The following PAPPA variants were observed in gnomAD, a reference collection of about 807,000 sequenced individuals.
PAPPA encodes pappalysin 1, also known as pappalysin-1.
In PAPPA, 60 loss-of-function variants were observed where a neutral mutation model predicts 164.0. That is an observed-to-expected ratio of 0.37 (90% CI 0.30 to 0.45). The LOEUF (loss-of-function observed/expected upper bound fraction) is 0.45, where lower values mean the gene tolerates loss of function less well. Ranked by LOEUF, PAPPA falls within the 20% of genes least tolerant of loss-of-function variation. The probability of loss-of-function intolerance (pLI) is 1.00; values close to 1 mark genes in which losing one functional copy is unlikely to be tolerated. For synonymous variants in PAPPA, 875 were observed against 814.1 expected (o/e 1.07, Z -1.27); for missense variants, 1,782 against 2,087.3 (o/e 0.85, Z 2.85).
intron 2 of PAPPA, among the ~76,000 whole-genome samples, chr9:116,201,728 G>A (rs1844173531): frequency 6.6e-6 from 1 of 152,184 alleles, no homozygotes; most frequent in African/African-American, 2.4e-5. Context: ...AGGGTCAGTT[G>A]TCCAAGATCA....
chr9:116,284,239 C>T (rs1362785610), intron 9 of PAPPA, among the ~76,000 whole-genome samples: 1 of 152,148 alleles, frequency 6.6e-6, no homozygotes, highest in Non-Finnish European at 1.5e-5. Flanking sequence ...AGAGATTGAG[C>T]AGAAATTTGA....
rs142666249 is a variant in PAPPA at position 116,313,583 on chromosome 9, G to A, written c.3147+10633G>A. Among the ~76,000 whole-genome samples the A allele has an allele frequency of 2.9e-3, 449 of 152,304 alleles. 4 individuals are homozygous for A. The highest frequency in any genetic ancestry group is 0.01 in the African/African-American group (433 of 41,570). On this transcript the variant is annotated intron_variant, in intron 10 of 21. Coordinates refer to ENST00000328252, the MANE Select transcript of PAPPA (RefSeq NM_002581.5). ...AAACTGACATGCACCAGGGAGCTAC[G>A]GTCAGGGGTTTATGTTTCAGAGAGA...
In PAPPA at chr9:116,154,678, G is replaced by T. The variant is rs1056158251; in HGVS notation, c.415+91G>T. ...GGCGCGGGTGGCGGGCGGGTCGGGG[G>T]CTTGCGGGCGTGTCTGTGCGAGAGC... On this transcript the variant is annotated intron_variant, in intron 1 of 21. Coordinates refer to ENST00000328252, the MANE Select transcript of PAPPA (RefSeq NM_002581.5). This position sits in a 1 kb window ranked among gnomAD's most constrained non-coding sequence, Gnocchi z 5.2. 6 of 1,236,968 alleles carry T rather than the reference G, an allele frequency of 4.9e-6. No individual in the cohort carries two copies. The highest frequency in any genetic ancestry group is 3.2e-5 in the East Asian group (1 of 31,302). The allele number at this position is 1,236,968 out of a possible 1,614,324, so 76.6% of individuals were successfully genotyped here. A position where few individuals can be genotyped will look rare whatever the true frequency, so the allele number is the denominator to read the frequency against.
chr9:116,198,297 G>C (rs1341877659), intron 2 of PAPPA, among the ~76,000 whole-genome samples: 1 of 152,210 alleles, frequency 6.6e-6, no homozygotes, highest in Non-Finnish European at 1.5e-5. Flanking sequence ...TACTTAGCAA[G>C]AGATTCCTCA....
chr9:116,374,232 G>A (rs1267239316), intron 19 of PAPPA, among the ~76,000 whole-genome samples: 1 of 150,288 alleles, frequency 6.7e-6, no homozygotes, highest in Admixed American at 6.7e-5. Context: ...TGATGACAGT[G>A]ATGATGATGG....
At chr9:116,333,145 C>T (rs1174868706) in intron 12 of PAPPA, among the ~76,000 whole-genome samples, 2 of 152,066 alleles carry the variant, frequency 1.3e-5, no homozygotes, top group African/African-American at 4.8e-5. Flanking sequence ...GAGGAGAGAG[C>T]CTGAATCCAG....
intron 7 of PAPPA, among the ~76,000 whole-genome samples, chr9:116,249,094 G>A (rs574107454): frequency 3.9e-5 from 6 of 152,222 alleles, no homozygotes; most frequent in Admixed American, 1.3e-4. Flanking sequence ...ATAGTAGGCA[G>A]TGAAGATAAA....
At chr9:116,268,695 C>CTT (rs1554745955) in intron 8 of PAPPA, among the ~76,000 whole-genome samples, 2 of 151,184 alleles carry the variant, frequency 1.3e-5, no homozygotes, top group African/African-American at 2.4e-5. Flanking sequence ...AAATAGTATA[C>CTT]TTAATACAGT....
At chr9:116,324,904 T>A (rs1407247348) in intron 10 of PAPPA, among the ~76,000 whole-genome samples, 1 of 152,196 alleles carries the variant, frequency 6.6e-6, no homozygotes, top group African/African-American at 2.4e-5. Context: ...AACCAGCTCC[T>A]GAAAACCTTT....
chr9:116,290,210 C>T (rs1442476109), intron 9 of PAPPA, among the ~76,000 whole-genome samples: 1 of 151,942 alleles, frequency 6.6e-6, no homozygotes, highest in Non-Finnish European at 1.5e-5. Flanking sequence ...TTACTGGTAC[C>T]ATGAAAGTAA....
At chr9:116,369,839 C>T (rs985642978) in intron 19 of PAPPA, among the ~76,000 whole-genome samples, 1 of 151,568 alleles carries the variant, frequency 6.6e-6, no homozygotes, top group African/African-American at 2.4e-5. Flanking sequence ...GCTGGCCTAC[C>T]GAGAGAACCA....
At chr9:116,358,261 G>A (rs916190990) in intron 17 of PAPPA, among the ~76,000 whole-genome samples, 14 of 152,132 alleles carry the variant, frequency 9.2e-5, no homozygotes, top group South Asian at 2.1e-4. Flanking sequence ...CTTAAACTAC[G>A]TCACTTTGCA....
At chr9:116,227,319 GA>G in intron 5 of PAPPA, 111 bp from the exon 6 acceptor site, 1 of 1,125,262 alleles carries the variant, frequency 8.9e-7, no homozygotes, top group Middle Eastern at 2.1e-4. Flanking sequence ...AGGAAAGGGG[GA>G]AACACAGATT....
chr9:116,188,119 T>G lies in PAPPA; in HGVS notation c.1381T>G (p.Cys461Gly). 1.2e-6 allele frequency: 2 copies of G among 1,614,232 alleles called. No individual in the cohort carries two copies. Among genetic ancestry groups the G allele is most frequent in the Admixed American group, 3.3e-5 (2 of 60,030 alleles). ...GCACAACGGGGTGTGTGACATGGAC[T>G]GCAACTATGAACGGTTCAACTTTGA... ...KQHNGVCDMD[C>G]NYERFNFDGG... is the part of the protein sequence containing the mutation. Residue 461 changes from cysteine (C) to glycine (G), a missense_variant, in exon 2 of 22, where the codon TGC (cysteine) becomes GGC (glycine). Around this residue, in one of 2 missense-constraint regions of PAPPA, gnomAD observed 1,324 missense variants for 1,656.9 expected, o/e 0.80. Transcript: ENST00000328252.
At chr9:116,357,288 T>C (rs1325793992) in intron 17 of PAPPA, among the ~76,000 whole-genome samples, 2 of 152,260 alleles carry the variant, frequency 1.3e-5, no homozygotes, top group Non-Finnish European at 2.9e-5. Flanking sequence ...CAAATAGCCA[T>C]ACTTATACAG....
In PAPPA at chr9:116,218,111, G is replaced by A. The variant is rs116016460; in HGVS notation, c.1919-1826G>A. ...ATCTGGGTTTGAGAGAGATTTACTC[G>A]GTTATTCACTATACTGTGTTTGTTA... On this transcript the variant is annotated intron_variant, in intron 4 of 21. Coordinates refer to ENST00000328252, the MANE Select transcript of PAPPA (RefSeq NM_002581.5). 7.6e-3 allele frequency among the ~76,000 whole-genome samples: 1,153 copies of A among 152,190 alleles called. 19 individuals carry two copies. Among genetic ancestry groups the A allele is most frequent in the African/African-American group, 0.026 (1,099 of 41,508 alleles).
intron 7 of PAPPA, among the ~76,000 whole-genome samples, chr9:116,255,505 A>C (rs1844917188): frequency 6.6e-6 from 1 of 152,034 alleles, no homozygotes; most frequent in African/African-American, 2.4e-5. Flanking sequence ...TTGAGATTAG[A>C]AAAACAGAAA....
chr9:116,154,669 G>T lies in PAPPA; in HGVS notation c.415+82G>T, dbSNP rs1248686789. ...GGGTGTCTGGGCGCGGGTGGCGGGC[G>T]GGTCGGGGGCTTGCGGGCGTGTCTG... is the stretch of plus-strand genomic sequence containing the variant. On this transcript the variant is annotated intron_variant, in intron 1 of 21. Transcript: ENST00000328252. This position sits in a 1 kb window ranked among gnomAD's most constrained non-coding sequence, Gnocchi z 5.2. 8.0e-6 allele frequency: 10 copies of T among 1,246,436 alleles called. No homozygotes were observed. The highest frequency in any genetic ancestry group is 1.0e-5 in the Non-Finnish European group (10 of 994,240). 77.2% of individuals were successfully genotyped at this position (1,246,436 alleles called of 1,614,324 possible).
chr9:116,275,794 C>T (rs527276383), intron 9 of PAPPA, among the ~76,000 whole-genome samples: 35 of 152,246 alleles, frequency 2.3e-4, no homozygotes, highest in Middle Eastern at 3.4e-3. Flanking sequence ...GTAACACCAG[C>T]GTTAGGGTGG....
Sources: gnomAD v4.1 joint callset for allele counts (sites outside exome capture counted in the v4.1 genomes callset) on GRCh38, gnomAD v4.1.1 for gene constraint, gnomAD v4.1.1 regional missense constraint, Gnocchi (gnomAD v3.1) non-coding constraint, MANE v1.5 for transcripts, NCBI Gene and HGNC (gene_info 2026-07-23, HGNC 2026-07-21) for gene names.